ZNG1F: variants seen among roughly 807,000 people sequenced by gnomAD.
ZNG1F encodes the protein zinc-regulated GTPase metalloprotein activator 1F.
the ZNG1F span, among the ~76,000 whole-genome samples, chr9:41,175,089 G>A: frequency 6.9e-6 from 1 of 145,486 alleles, no homozygotes; most frequent in Non-Finnish European, 1.5e-5. Context: ...GTTAGTGACA[G>A]GGCTGTCTAA....
chr9:41,137,020 T>G, the ZNG1F span, among the ~76,000 whole-genome samples: 1 of 94,726 alleles, frequency 1.1e-5, no homozygotes, highest in Non-Finnish European at 2.2e-5. Context: ...GCTCTGATCT[T>G]CTTTCTTCTG....
chr9:41,185,759 A>G, the ZNG1F span, among the ~76,000 whole-genome samples: 2 of 136,478 alleles, frequency 1.5e-5, no homozygotes, highest in Admixed American at 7.4e-5. Flanking sequence ...GTAAAAATGT[A>G]GTTTAATTCT....
chr9:41,144,514 A>G, the ZNG1F span, among the ~76,000 whole-genome samples: 1 of 142,208 alleles, frequency 7.0e-6, no homozygotes, highest in African/African-American at 2.6e-5. Context: ...CCACAAACAT[A>G]GTAGCAAACC....
At chr9:41,150,345 G>T in the ZNG1F span, among the ~76,000 whole-genome samples, 1 of 149,976 alleles carries the variant, frequency 6.7e-6, no homozygotes, top group Non-Finnish European at 1.5e-5. Context: ...CTCGCGGATT[G>T]CTAGCACAGC....
At chr9:41,157,479 A>G in the ZNG1F span, 10 of 145,780 alleles carry the variant, frequency 6.9e-5, no homozygotes, top group Admixed American at 6.9e-4. Flanking sequence ...AAAAAAAAAA[A>G]AAGAACAGCA....
the ZNG1F span, among the ~76,000 whole-genome samples, chr9:41,159,125 T>A: frequency 6.6e-6 from 1 of 150,740 alleles, no homozygotes; most frequent in East Asian, 2.0e-4. Context: ...TTGGCTCTCC[T>A]CGGTGGGGGT....
chr9:41,174,675 C>A, the ZNG1F span, among the ~76,000 whole-genome samples: 1 of 114,414 alleles, frequency 8.7e-6, no homozygotes, highest in African/African-American at 3.4e-5. Context: ...ACAATTTGAG[C>A]AGTATGGCTT....
chr9:41,204,388 TTATATATATATATATATATA>T, the ZNG1F span, among the ~76,000 whole-genome samples: 1,443 of 19,548 alleles, frequency 0.074, 3 homozygotes, highest in Non-Finnish European at 0.11. Flanking sequence ...AATTTTTATT[TTATATATATATATATATATA>T]TATATATATA....
At chr9:41,196,734 ATG>A in the ZNG1F span, among the ~76,000 whole-genome samples, 1 of 76,676 alleles carries the variant, frequency 1.3e-5, no homozygotes, top group African/African-American at 3.3e-5. Flanking sequence ...ATGTGTGTGT[ATG>A]TGTATATATA....
chr9:41,170,121 G>T, the ZNG1F span, among the ~76,000 whole-genome samples: 1 of 13,462 alleles, frequency 7.4e-5, no homozygotes, highest in East Asian at 1.4e-3. Context: ...CTTTCAAATG[G>T]ATTGGTTACA....
At chr9:41,152,250 A>G in the ZNG1F span, among the ~76,000 whole-genome samples, 1 of 143,304 alleles carries the variant, frequency 7.0e-6, no homozygotes, top group Non-Finnish European at 1.6e-5. Flanking sequence ...CAAAAGAGAC[A>G]AAGAAGGCCA....
chr9:41,185,706 T>C, the ZNG1F span, among the ~76,000 whole-genome samples: 1 of 149,962 alleles, frequency 6.7e-6, no homozygotes, highest in African/African-American at 2.5e-5. Flanking sequence ...ATAAACGTTT[T>C]TTCATATGTC....
At chr9:41,183,783 C>G in the ZNG1F span, 6 of 1,536,084 alleles carry the variant, frequency 3.9e-6, no homozygotes, top group Non-Finnish European at 5.3e-6. Flanking sequence ...TATTTTATAA[C>G]TTATATTCTT....
the ZNG1F span, chr9:41,174,215 A>C: frequency 2.9e-6 from 4 of 1,363,922 alleles, no homozygotes; most frequent in African/African-American, 7.0e-5. Context: ...TGGGCAACAA[A>C]GTGAGACTCT....
At chr9:41,193,010 T>C in the ZNG1F span, among the ~76,000 whole-genome samples, 1 of 151,708 alleles carries the variant, frequency 6.6e-6, no homozygotes, top group Non-Finnish European at 1.5e-5. Context: ...TGATAGGCAC[T>C]GTGTTAAGCA....
At chr9:41,193,642 G>A in the ZNG1F span, among the ~76,000 whole-genome samples, 1 of 150,392 alleles carries the variant, frequency 6.6e-6, no homozygotes, top group Non-Finnish European at 1.5e-5. Flanking sequence ...GCTCATGCCT[G>A]TAATCCCAGC....
At chr9:41,155,633 T>C in the ZNG1F span, among the ~76,000 whole-genome samples, 4 of 112,952 alleles carry the variant, frequency 3.5e-5, no homozygotes, top group South Asian at 3.4e-4. Context: ...CACATATACA[T>C]CATGGAATAC....
the ZNG1F span, among the ~76,000 whole-genome samples, chr9:41,166,186 T>C: frequency 8.8e-6 from 1 of 113,828 alleles, no homozygotes; most frequent in Admixed American, 1.0e-4. Flanking sequence ...TCACCTGAGG[T>C]CAGGAGCTCG....
At chr9:41,151,277 GAAGC>G in the ZNG1F span, among the ~76,000 whole-genome samples, 1 of 143,526 alleles carries the variant, frequency 7.0e-6, no homozygotes, top group Non-Finnish European at 1.5e-5. Context: ...TGAATGAAAT[GAAGC>G]AAGAAGGGAA....
Sources: allele counts gnomAD v4.1 joint callset (sites outside exome capture counted in the v4.1 genomes callset), GRCh38; gene constraint gnomAD v4.1.1; transcripts MANE v1.5; gene names NCBI Gene and HGNC (gene_info 2026-07-23, HGNC 2026-07-21).